TASP1: variants seen among roughly 807,000 people sequenced by gnomAD.
TASP1 encodes threonine aspartase 1.
Under a neutral mutation model 56.6 loss-of-function variants are expected in TASP1, and 16 were observed. The ratio of observed to expected loss-of-function variants is 0.28; its 90% CI spans 0.19 to 0.43. The LOEUF (loss-of-function observed/expected upper bound fraction) is 0.43. TASP1 is among the 20% of genes least tolerant of loss of function. The probability of loss-of-function intolerance (pLI) is 1.00; values close to 1 mark genes in which losing one functional copy is unlikely to be tolerated. For missense variants in TASP1, 393 were observed against 511.6 expected, an observed-to-expected ratio of 0.77 and a Z score of 2.24; for synonymous variants, 179 against 184.2, an observed-to-expected ratio of 0.97 and a Z score of 0.23.
intron 7 of TASP1, among the ~76,000 whole-genome samples, chr20:13,562,972 G>GTATGTGTGTGTATATATACACC (rs2046397278): frequency 2.3e-5 from 3 of 132,386 alleles, no homozygotes; most frequent in African/African-American, 5.4e-5. Context: ...ACGTGCGTAT[G>GTATGTGTGTGTATATATACACC]TATGTGTGTG....
At chr20:13,234,775 G>A in the TASP1 span, among the ~76,000 whole-genome samples, 3 of 152,112 alleles carry the variant, frequency 2.0e-5, no homozygotes, top group Non-Finnish European at 4.4e-5. Flanking sequence ...GCCTGTTCAT[G>A]TCCTTTGTCG....
intron 11 of TASP1, among the ~76,000 whole-genome samples, chr20:13,479,628 G>A (rs1037178841): frequency 1.3e-5 from 2 of 152,010 alleles, no homozygotes; most frequent in Admixed American, 1.3e-4. Flanking sequence ...CCAAGTAGCT[G>A]GGATTACAGG....
chr20:13,528,861 A>C (rs944854156), intron 9 of TASP1, among the ~76,000 whole-genome samples: 3 of 151,760 alleles, frequency 2.0e-5, no homozygotes, highest in African/African-American at 7.3e-5. Context: ...TTAAAATAGT[A>C]GTTTTCAAAC....
intron 2 of TASP1, among the ~76,000 whole-genome samples, chr20:13,627,887 C>G (rs1315197063): frequency 2.0e-5 from 3 of 152,140 alleles, no homozygotes; most frequent in African/African-American, 7.2e-5. Flanking sequence ...AAGACCCTCT[C>G]AGATCACTGC....
chr20:13,585,653 C>G (rs1201959368), intron 5 of TASP1, among the ~76,000 whole-genome samples: 1 of 152,028 alleles, frequency 6.6e-6, no homozygotes, highest in African/African-American at 2.4e-5. Flanking sequence ...TAGGGACACT[C>G]AATAATACCA....
At chr20:13,252,160 C>G in the TASP1 span, among the ~76,000 whole-genome samples, 2 of 152,136 alleles carry the variant, frequency 1.3e-5, no homozygotes, top group African/African-American at 4.8e-5. Flanking sequence ...ATCCCTCAGG[C>G]CTCTTTTCTG....
chr20:13,439,414 C>A (rs1466252075), intron 11 of TASP1, among the ~76,000 whole-genome samples: 1 of 152,090 alleles, frequency 6.6e-6, no homozygotes, highest in African/African-American at 2.4e-5. Context: ...GGACAAAAAA[C>A]CAAACACCAC....
At chr20:13,366,319 G>A in the TASP1 span, among the ~76,000 whole-genome samples, 2 of 152,142 alleles carry the variant, frequency 1.3e-5, no homozygotes, top group African/African-American at 4.8e-5. Flanking sequence ...ATGTTCAGAG[G>A]TCAGGAAGAG....
intron 4 of TASP1, among the ~76,000 whole-genome samples, chr20:13,592,809 T>C (rs1360396724): frequency 6.6e-6 from 1 of 152,208 alleles, no homozygotes; most frequent in Non-Finnish European, 1.5e-5. Flanking sequence ...AGTAACTGAT[T>C]TGAGATCTTC....
chr20:13,123,372 T>G, the TASP1 span, among the ~76,000 whole-genome samples: 1 of 152,104 alleles, frequency 6.6e-6, no homozygotes, highest in African/African-American at 2.4e-5. Context: ...ATTCACTGTT[T>G]CACTGTGTAC....
the TASP1 span, among the ~76,000 whole-genome samples, chr20:13,283,754 C>T: frequency 6.6e-6 from 1 of 152,184 alleles, no homozygotes; most frequent in Non-Finnish European, 1.5e-5. Context: ...GAATAGCCCA[C>T]ATAATGAAAT....
the TASP1 span, among the ~76,000 whole-genome samples, chr20:13,223,165 AAT>A: frequency 3.1e-4 from 45 of 143,516 alleles, no homozygotes; most frequent in African/African-American, 9.0e-4. Flanking sequence ...TCAAAAAAAA[AAT>A]AAAATAAAAT....
chr20:13,558,892 T>A (rs962965064), intron 8 of TASP1, 116 bp downstream of exon 8: 2 of 536,380 alleles, frequency 3.7e-6, no homozygotes, highest in Non-Finnish European at 6.2e-6. Context: ...AACTTTAAAG[T>A]ACATATGTGA....
the TASP1 span, among the ~76,000 whole-genome samples, chr20:13,138,006 G>A: frequency 6.6e-6 from 1 of 152,170 alleles, no homozygotes; most frequent in Non-Finnish European, 1.5e-5. Context: ...AGGCTGGAGT[G>A]ACCCTTCTAG....
At chr20:13,485,441 A>G (rs1427058316) in intron 10 of TASP1, among the ~76,000 whole-genome samples, 4 of 152,110 alleles carry the variant, frequency 2.6e-5, no homozygotes, top group African/African-American at 9.6e-5. Flanking sequence ...AAAAATAAAC[A>G]CAGGCCTTCT....
At chr20:13,465,993 C>T (rs189437077) in intron 11 of TASP1, among the ~76,000 whole-genome samples, 2 of 152,184 alleles carry the variant, frequency 1.3e-5, no homozygotes, top group African/African-American at 4.8e-5. Context: ...CACACATGCA[C>T]ACACACAAAC....
chr20:13,486,668 C>T (rs2043327796), intron 10 of TASP1, among the ~76,000 whole-genome samples: 1 of 152,044 alleles, frequency 6.6e-6, no homozygotes, highest in African/African-American at 2.4e-5. Context: ...CCATTTGTAA[C>T]CCACAATGTA....
At chr20:13,257,242 C>T in the TASP1 span, among the ~76,000 whole-genome samples, 280 of 152,230 alleles carry the variant, frequency 1.8e-3, no homozygotes, top group Non-Finnish European at 3.6e-3. Flanking sequence ...CGGCCAGGCT[C>T]GATGGCTCAT....
At chr20:13,323,116 A>G in the TASP1 span, among the ~76,000 whole-genome samples, 11 of 152,288 alleles carry the variant, frequency 7.2e-5, no homozygotes, top group Non-Finnish European at 1.6e-4. Flanking sequence ...ACTAAGAGCA[A>G]TCAGACCACA....
Sources: gnomAD v4.1 joint callset for allele counts (sites outside exome capture counted in the v4.1 genomes callset) on GRCh38, gnomAD v4.1.1 for gene constraint, MANE v1.5 for transcripts, NCBI Gene and HGNC (gene_info 2026-07-23, HGNC 2026-07-21) for gene names.